NRIP1: variants seen among roughly 807,000 people sequenced by gnomAD.
The protein encoded by NRIP1 is nuclear receptor-interacting protein 1.
Under a neutral mutation model 75.0 loss-of-function variants are expected in NRIP1, and 28 were observed. The observed-to-expected ratio is 0.37, with a 90% CI of 0.28 to 0.51. The LOEUF (loss-of-function observed/expected upper bound fraction) is 0.51. Among genes scored for constraint, NRIP1 ranks in the 20% least tolerant of loss-of-function variants. The pLI, the probability that NRIP1 is intolerant of heterozygous loss-of-function variation, is 0.92. For synonymous variants in NRIP1, 526 were observed against 487.6 expected (o/e 1.08, Z -1.04); for missense variants, 1,435 against 1,343.7 (o/e 1.07, Z -1.06).
intron 3 of NRIP1, among the ~76,000 whole-genome samples, chr21:15,004,407 C>T (rs752031093): frequency 1.3e-5 from 2 of 152,204 alleles, no homozygotes; most frequent in African/African-American, 4.8e-5. Flanking sequence ...ATACATAATA[C>T]ACATAAAGAA....
intron 3 of NRIP1, among the ~76,000 whole-genome samples, chr21:14,988,888 T>C (rs1027591404): frequency 7.9e-5 from 12 of 151,850 alleles, no homozygotes; most frequent in African/African-American, 1.9e-4. Flanking sequence ...AGAGAAAAGA[T>C]TGAAGTAAGC....
intron 3 of NRIP1, among the ~76,000 whole-genome samples, chr21:14,994,137 G>C (rs2087651407): frequency 6.6e-6 from 1 of 151,932 alleles, no homozygotes; most frequent in African/African-American, 2.4e-5. Flanking sequence ...GGGTGGGGTG[G>C]GGGCGCAGAC....
Position 14,965,157 on chromosome 21 carries a change from A to T in NRIP1, c.3036T>A (p.Pro1012=). 1.9e-6 allele frequency: 3 copies of T among 1,613,124 alleles called. No individual in the cohort carries two copies. Among genetic ancestry groups the T allele is most frequent in the Non-Finnish European group, 2.5e-6 (3 of 1,179,914 alleles). The change falls in exon 4 of 4, where the codon CCT becomes CCA. Residue 1012 remains proline (P), a synonymous_variant. Transcript: ENST00000318948. ...CACAGCCCAAGTGCTCAGGGAAAGTAGGACTCACAGGAGTTTTTACTACAC... is the reference window on the plus strand; with the variant it reads ...CACAGCCCAAGTGCTCAGGGAAAGTTGGACTCACAGGAGTTTTTACTACAC... ...YPGVVKTPVS[P]TFPEHLGCAG... is the part of the protein sequence containing the mutation.
At chr21:15,027,194 C>T (rs1025535839) in intron 2 of NRIP1, among the ~76,000 whole-genome samples, 10 of 152,080 alleles carry the variant, frequency 6.6e-5, no homozygotes, top group African/African-American at 2.4e-4. Context: ...TTGAAGAAAG[C>T]GGTTGCAAGA....
chr21:14,966,121 G>A lies in NRIP1; in HGVS notation c.2072C>T (p.Pro691Leu). 6.2e-7 allele frequency: 1 copy of A among 1,612,436 alleles called. No homozygotes were observed. Among genetic ancestry groups the A allele is most frequent in the Non-Finnish European group, 8.5e-7 (1 of 1,179,950 alleles). ...AGAAAGCCCTGGTTCAGGACCTGTT[G>A]GTTGACTACTAAATGCTTTATTTTC... ...VEENKAFSSQPTGPEPGLSGS... is the reference protein window; with the variant it reads ...VEENKAFSSQLTGPEPGLSGS... The change falls in exon 4 of 4, where the codon CCA (proline) becomes CTA (leucine). Residue 691 changes from proline (P) to leucine (L), a missense_variant. Coordinates refer to ENST00000318948, the MANE Select transcript of NRIP1 (RefSeq NM_003489.4).
At chr21:15,017,009 TGAAG>T (rs202130112) in intron 2 of NRIP1, among the ~76,000 whole-genome samples, 2,956 of 149,716 alleles carry the variant, frequency 0.02, 97 homozygotes, top group African/African-American at 0.066. Context: ...AAGAAAAGAA[TGAAG>T]GAAGGAAGGA....
intron 2 of NRIP1, among the ~76,000 whole-genome samples, chr21:15,042,573 G>A (rs1486849263): frequency 6.6e-6 from 1 of 152,168 alleles, no homozygotes; most frequent in African/African-American, 2.4e-5. Flanking sequence ...AGATCATGAG[G>A]GCAATGCCCT....
chr21:14,995,858 A>C (rs2087707600), intron 3 of NRIP1, among the ~76,000 whole-genome samples: 1 of 152,132 alleles, frequency 6.6e-6, no homozygotes, highest in African/African-American at 2.4e-5. Flanking sequence ...TGCTCTTTGT[A>C]AAAGGTAAAT....
intron 3 of NRIP1, among the ~76,000 whole-genome samples, chr21:14,984,405 C>A (rs553260313): frequency 1.9e-4 from 28 of 150,066 alleles, no homozygotes; most frequent in Admixed American, 7.3e-4. Flanking sequence ...TCAAGTGATC[C>A]TCCCACATCG....
chr21:15,010,491 C>T (rs1033033552), intron 3 of NRIP1, among the ~76,000 whole-genome samples: 4 of 151,472 alleles, frequency 2.6e-5, no homozygotes, highest in Admixed American at 1.3e-4. Flanking sequence ...CCTCCCCAAA[C>T]AACGTAAGTT....
chr21:14,979,184 G>A (rs2087162292), intron 3 of NRIP1, among the ~76,000 whole-genome samples: 1 of 152,184 alleles, frequency 6.6e-6, no homozygotes, highest in Non-Finnish European at 1.5e-5. Flanking sequence ...AATTAACAGA[G>A]AGTGTTTGCT....
Position 14,966,617 on chromosome 21 carries a change from C to A in NRIP1, c.1576G>T (p.Val526Leu), listed in dbSNP as rs776105051. The A allele has an allele frequency of 1.2e-6, 2 of 1,613,976 alleles. No homozygotes were observed. Among genetic ancestry groups the A allele is most frequent in the South Asian group, 1.1e-5 (1 of 91,086 alleles). Residue 526 changes from valine to leucine, a missense_variant, in exon 4 of 4, where the codon GTG becomes TTG. Val to Leu is a conservative substitution (Grantham distance 32). Coordinates refer to ENST00000318948, the MANE Select transcript of NRIP1 (RefSeq NM_003489.4). ...NTSPQGVHND[V>L]SKFNTQNYAR... ...TAATTTTGTGTATTGAACTTGCTCA[C>A]ATCATTGTGTACTCCCTGAGGGCTG... is the stretch of plus-strand genomic sequence containing the variant.
At chr21:15,054,385 AT>A (rs2089263935) in intron 1 of NRIP1, among the ~76,000 whole-genome samples, 1 of 145,800 alleles carries the variant, frequency 6.9e-6, no homozygotes, top group Admixed American at 6.9e-5. Flanking sequence ...TACAAAAAAA[AT>A]GTTGCCCCCA....
chr21:14,981,521 GAGGCT>G (rs2087233711), intron 3 of NRIP1, among the ~76,000 whole-genome samples: 1 of 152,166 alleles, frequency 6.6e-6, no homozygotes, highest in Non-Finnish European at 1.5e-5. Flanking sequence ...GGAGACTCAG[GAGGCT>G]TTAGAGGATG....
chr21:15,065,348 C>A (rs1291700057), upstream of NRIP1, among the ~76,000 whole-genome samples: 22 of 151,828 alleles, frequency 1.4e-4, no homozygotes, highest in Admixed American at 1.3e-3. Flanking sequence ...GTCCCCCGGG[C>A]TCCCAGCTCT....
chr21:14,989,203 T>C (rs2087498705), intron 3 of NRIP1, among the ~76,000 whole-genome samples: 1 of 152,168 alleles, frequency 6.6e-6, no homozygotes, highest in African/African-American at 2.4e-5. Flanking sequence ...CTCTTTTTTC[T>C]CACTTTTCCT....
At chr21:15,063,321 T>C (rs1600948806) in intron 1 of NRIP1, among the ~76,000 whole-genome samples, 1 of 152,144 alleles carries the variant, frequency 6.6e-6, no homozygotes, top group Non-Finnish European at 1.5e-5. Context: ...ACTTGGAAGG[T>C]GAAAAACACT....
intron 2 of NRIP1, among the ~76,000 whole-genome samples, chr21:15,018,997 T>A (rs1402726042): frequency 6.6e-6 from 1 of 151,992 alleles, no homozygotes; most frequent in East Asian, 1.9e-4. Flanking sequence ...CTATGTGTAG[T>A]TTGTGAGTTT....
chr21:14,994,533 G>A (rs952232631), intron 3 of NRIP1, among the ~76,000 whole-genome samples: 3 of 152,172 alleles, frequency 2.0e-5, no homozygotes, highest in Non-Finnish European at 4.4e-5. Flanking sequence ...TGAGTGATAT[G>A]ACATGGATCA....
Sources: gnomAD v4.1 joint callset for allele counts (sites outside exome capture counted in the v4.1 genomes callset) on GRCh38, gnomAD v4.1.1 for gene constraint, MANE v1.5 for transcripts, NCBI Gene and HGNC (gene_info 2026-07-23, HGNC 2026-07-21) for gene names.